Variants in PRSS54 observed in about 807,000 individuals in gnomAD.
The protein encoded by PRSS54 is serine protease 54.
In PRSS54, 16 loss-of-function variants were observed where a neutral mutation model predicts 19.9. The observed-to-expected ratio is 0.80, with a 90% CI of 0.54 to 1.22. The LOEUF is 1.22. PRSS54 is among the 50% of genes most tolerant of loss of function. The pLI is 0.00. For synonymous variants in PRSS54, 177 were observed against 195.8 expected, an observed-to-expected ratio of 0.90 and a Z score of 0.80; for missense variants, 444 against 494.8, an observed-to-expected ratio of 0.90 and a Z score of 0.97.
rs1240680444 is a variant in PRSS54 at position 58,285,963 on chromosome 16, C to T, written c.496G>A (p.Val166Met). The T allele has an allele frequency of 1.2e-6, 2 of 1,614,158 alleles. No homozygotes were observed. Among genetic ancestry groups the T allele is most frequent in the Non-Finnish European group, 1.7e-6 (2 of 1,180,022 alleles). ...HTPPVLQNCW[V>M]SGWNPTSATG... is the part of the protein sequence containing the mutation. ...GCAGATGTGGGATTCCATCCTGACA[C>T]CCAGCAGTTCTGCAAGACTGGTGGT... Residue 166 changes from valine (V) to methionine (M), a missense_variant, in exon 5 of 7, where the codon GTG (valine) becomes ATG (methionine). Val to Met is a conservative substitution (Grantham distance 21). Transcript: ENST00000567164.
intron 5 of PRSS54, 96 bp from the exon 6 acceptor site, chr16:58,284,817 A>AT (rs11313996): frequency 0.024 from 26,673 of 1,096,422 alleles, 45 homozygotes; most frequent in African/African-American, 0.035. Context: ...GAGAGTGAGA[A>AT]TTTTTTTTTT....
chr16:58,284,804 A>C, intron 5 of PRSS54, 83 bp from the exon 6 acceptor site: 3 of 1,509,758 alleles, frequency 2.0e-6, no homozygotes, highest in Admixed American at 2.0e-5. Context: ...CATATAGCCA[A>C]ACGAGAGTGA....
chr16:58,284,531 C>T (rs1476879653), intron 6 of PRSS54, 59 bp downstream of exon 6: 3 of 1,605,022 alleles, frequency 1.9e-6, no homozygotes, highest in East Asian at 4.5e-5. Context: ...CCTGAGGCTC[C>T]CCTGGATGTG....
At chr16:58,283,513 C>T (rs371801969) in intron 6 of PRSS54, 1 of 152,072 alleles carries the variant, frequency 6.6e-6, no homozygotes, top group Non-Finnish European at 1.5e-5. Flanking sequence ...CAGTTGATGT[C>T]AGAGTTTAAC....
At position 58,280,670 on chromosome 16, in the gene PRSS54, A is replaced by G; in HGVS notation, c.742T>C (p.Cys248Arg). The G allele has an allele frequency of 1.9e-6, 3 of 1,614,134 alleles. No homozygotes were observed. The highest frequency in any genetic ancestry group is 1.7e-6 in the Non-Finnish European group (2 of 1,180,014). Residue 248 changes from cysteine (C) to arginine (R), a missense_variant, in exon 7 of 7, where the codon TGC (cysteine) becomes CGC (arginine). Cys to Arg is a radical substitution (Grantham distance 180). Coordinates refer to ENST00000567164, the MANE Select transcript of PRSS54 (RefSeq NM_001305173.2). ...RGVLNFGGET[C>R]PGLFLYTKVE... The stretch of plus-strand genomic sequence containing the variant: ...TTGGTGTACAGAAACAGGCCAGGGC[A>G]CGTCTCACCACCGAAGTTCAGGACT...
chr16:58,291,114 G>T lies in PRSS54; in HGVS notation c.108C>A (p.Ser36=). Residue 36 remains serine, a synonymous_variant, in exon 4 of 7, where the codon TCC becomes TCA. Transcript: ENST00000567164. ...SSTSCGVQKA[S]VFYGPDPKEG... ...CCTTGGGGTCAGGACCGTAGAAAAC[G>T]GAAGCTTTCTGGACGCCACAACCTG... 1 of 1,614,092 alleles carries T rather than the reference G, an allele frequency of 6.2e-7. No homozygotes were observed. Among genetic ancestry groups the T allele is most frequent in the Non-Finnish European group, 8.5e-7 (1 of 1,180,028 alleles).
intron 2 of PRSS54, 70 bp downstream of exon 2, chr16:58,293,915 T>C (rs1965093388): frequency 1.9e-6 from 2 of 1,056,276 alleles, no homozygotes; most frequent in African/African-American, 3.1e-5. Flanking sequence ...CAAACACACA[T>C]GTTCCCTCCC....
Position 58,294,218 on chromosome 16 carries a change from A to G in PRSS54, c.-231-9T>C. On this transcript the variant is annotated splice_polypyrimidine_tract_variant and intron_variant, in intron 1 of 6. Transcript: ENST00000567164. ...TCTGTAGCCATAAAATGCTGCTGAAAGAAAAGTAGAGTTTTAGTGGAAGCC... is the reference window on the plus strand; with the variant it reads ...TCTGTAGCCATAAAATGCTGCTGAAGGAAAAGTAGAGTTTTAGTGGAAGCC... 1 of 203,878 alleles carries G rather than the reference A, an allele frequency of 4.9e-6. No homozygotes were observed. The highest frequency in any genetic ancestry group is 1.0e-4 in the South Asian group (1 of 9,706). The allele number at this position is 203,878 out of a possible 1,614,324, so 12.6% of individuals were successfully genotyped here.
chr16:58,290,417 C>A (rs1003680767), intron 4 of PRSS54, among the ~76,000 whole-genome samples: 2 of 151,896 alleles, frequency 1.3e-5, no homozygotes, highest in African/African-American at 4.8e-5. Context: ...TATGATTTTC[C>A]CTGGTTTAAA....
chr16:58,293,138 T>C (rs931033301), intron 3 of PRSS54, among the ~76,000 whole-genome samples: 2 of 151,722 alleles, frequency 1.3e-5, no homozygotes, highest in Non-Finnish European at 2.9e-5. Flanking sequence ...CTTTCTCATG[T>C]CTCCCTTCTA....
intron 3 of PRSS54, among the ~76,000 whole-genome samples, chr16:58,292,472 C>T (rs1965056310): frequency 6.6e-6 from 1 of 152,034 alleles, no homozygotes; most frequent in Admixed American, 6.5e-5. Context: ...GCATATGAGC[C>T]CCAAAAACAG....
At chr16:58,293,470 C>T (rs773371868) in intron 3 of PRSS54, 8 of 865,602 alleles carry the variant, frequency 9.2e-6, no homozygotes, top group Non-Finnish European at 1.1e-5. Flanking sequence ...TCTTGCTCAC[C>T]CCTGTACCCA....
At chr16:58,284,233 G>A (rs1964856302) in intron 6 of PRSS54, among the ~76,000 whole-genome samples, 1 of 152,182 alleles carries the variant, frequency 6.6e-6, no homozygotes, top group Admixed American at 6.5e-5. Flanking sequence ...TAGCATCAGA[G>A]GGGAGTCTAG....
chr16:58,289,264 T>C (rs72786171), intron 4 of PRSS54, among the ~76,000 whole-genome samples: 15,690 of 152,188 alleles, frequency 0.1, 896 homozygotes, highest in Admixed American at 0.13. Context: ...TCTTAGACTT[T>C]CAGCCTCCAA....
intron 6 of PRSS54, chr16:58,281,572 G>A (rs1964738676): frequency 6.6e-6 from 1 of 152,242 alleles, no homozygotes; most frequent in Non-Finnish European, 1.5e-5. Context: ...CCTCTCAAAG[G>A]AATTCCTGCC....
intron 2 of PRSS54, 32 bp from the exon 3 acceptor site, chr16:58,293,854 C>T: frequency 6.4e-7 from 1 of 1,572,946 alleles, no homozygotes; most frequent in Non-Finnish European, 8.7e-7. Flanking sequence ...ACTCCATCCT[C>T]TTCCCAAACA....
At chr16:58,291,198 TG>T (rs1262160523) in intron 3 of PRSS54, 62 bp from the exon 4 acceptor site, 2 of 1,495,968 alleles carry the variant, frequency 1.3e-6, no homozygotes, top group African/African-American at 1.4e-5. Context: ...CTCTCTCCTG[TG>T]GGCTGTCTGT....
At position 58,280,063 on chromosome 16, in the gene PRSS54, G is replaced by A. The variant is rs999949976; in HGVS notation, c.*161C>T. The A allele has an allele frequency of 5.7e-6, 4 of 705,446 alleles. No individual in the cohort carries two copies. Among genetic ancestry groups the A allele is most frequent in the African/African-American group, 1.8e-5 (1 of 55,480 alleles). 43.7% of individuals were successfully genotyped at this position (705,446 alleles called of 1,614,324 possible). ...GTGAAAGTGACCTTCCCACACCTGGGAGAGGGATAGAGGAGGGAGAGCCAG... is the reference window on the plus strand; with the variant it reads ...GTGAAAGTGACCTTCCCACACCTGGAAGAGGGATAGAGGAGGGAGAGCCAG... On this transcript the variant is annotated 3_prime_UTR_variant, in exon 7 of 7. Transcript: ENST00000567164.
chr16:58,291,241 T>C lies in PRSS54; in HGVS notation c.86-105A>G. 5 of 1,034,958 alleles carry C rather than the reference T, an allele frequency of 4.8e-6. No homozygotes were observed. The South Asian group carries it at 4.9e-5, about 10-fold the overall frequency. 64.1% of individuals were successfully genotyped at this position (1,034,958 alleles called of 1,614,324 possible). On this transcript the variant is annotated intron_variant, in intron 3 of 6. Coordinates refer to ENST00000567164, the MANE Select transcript of PRSS54 (RefSeq NM_001305173.2). Reference sequence around the variant, plus strand: ...CATCACTAACGCTATCCGCAACCCCTTTTCTTTCTTTTGCCTAGTGTGTCT... The same window carrying C: ...CATCACTAACGCTATCCGCAACCCCCTTTCTTTCTTTTGCCTAGTGTGTCT...
Sources: allele counts gnomAD v4.1 joint callset (sites outside exome capture counted in the v4.1 genomes callset), GRCh38; gene constraint gnomAD v4.1.1; transcripts MANE v1.5; gene names NCBI Gene and HGNC (gene_info 2026-07-23, HGNC 2026-07-21).